Variants in ACP7 observed in about 807,000 individuals in gnomAD.
ACP7 encodes the protein acid phosphatase 7, tartrate resistant (putative).
Under a neutral mutation model 60.6 loss-of-function variants are expected in ACP7, and 58 were observed. That is an observed-to-expected ratio of 0.96 (90% confidence interval 0.77 to 1.19). The LOEUF (loss-of-function observed/expected upper bound fraction) is 1.19, where lower values mean the gene tolerates loss of function less well. Ranked by LOEUF, ACP7 falls within the 50% of genes most tolerant of loss-of-function variation. ACP7 has a pLI of 0.00. For missense variants in ACP7, 574 were observed against 596.2 expected (o/e 0.96, Z 0.39); for synonymous variants, 237 against 232.6 (o/e 1.02, Z -0.17).
intron 2 of ACP7, among the ~76,000 whole-genome samples, chr19:39,087,535 C>G (rs568958897): frequency 6.6e-6 from 1 of 151,834 alleles, no homozygotes; most frequent in Non-Finnish European, 1.5e-5. Context: ...AAACATGGCT[C>G]ACTGCAACCT....
At chr19:39,110,027 A>G in intron 12 of ACP7, 26 bp from the exon 13 acceptor site, 5 of 1,605,826 alleles carry the variant, frequency 3.1e-6, no homozygotes, top group Non-Finnish European at 4.3e-6. Flanking sequence ...AGCTCTAACT[A>G]CTGTCCCTGT....
intron 4 of ACP7, among the ~76,000 whole-genome samples, 196 bp from the exon 5 acceptor site, chr19:39,100,031 C>T (rs555616050): frequency 3.9e-4 from 58 of 150,040 alleles, no homozygotes; most frequent in African/African-American, 5.4e-4. Context: ...CATCTTGGCC[C>T]GGCACAGTGG....
At chr19:39,106,785 A>G (rs2145041406) in intron 11 of ACP7, among the ~76,000 whole-genome samples, 162 bp from the exon 12 acceptor site, 1 of 152,184 alleles carries the variant, frequency 6.6e-6, no homozygotes, top group East Asian at 1.9e-4. Context: ...TGGCCTCCCA[A>G]AGTGCTGGAA....
In ACP7 at chr19:39,110,244, T is replaced by A; in HGVS notation, c.*126T>A. On this transcript the variant is annotated 3_prime_UTR_variant, in exon 13 of 13. Transcript: ENST00000331256. ...TCCCCTGCCCTCCAGAGGCCCCATGTAGGGTACATGCAGCCCTATGGAGCT... is the reference window on the plus strand; with the variant it reads ...TCCCCTGCCCTCCAGAGGCCCCATGAAGGGTACATGCAGCCCTATGGAGCT... 1 of 862,402 alleles carries A rather than the reference T, an allele frequency of 1.2e-6. No individual in the cohort carries two copies. The allele number at this position is 862,402 out of a possible 1,614,324, so 53.4% of individuals were successfully genotyped here.
chr19:39,103,861 C>A (rs986481219), intron 11 of ACP7, among the ~76,000 whole-genome samples: 10 of 152,000 alleles, frequency 6.6e-5, no homozygotes, highest in Non-Finnish European at 1.2e-4. Flanking sequence ...GACAGTCTCA[C>A]TATGTTGCCC....
chr19:39,107,379 G>A (rs941670941), intron 12 of ACP7, among the ~76,000 whole-genome samples: 7 of 151,640 alleles, frequency 4.6e-5, no homozygotes, highest in Admixed American at 2.6e-4. Context: ...TCAGGAGATC[G>A]AGACCATCCT....
chr19:39,103,116 A>G (rs1284960171), intron 11 of ACP7, among the ~76,000 whole-genome samples: 1 of 152,130 alleles, frequency 6.6e-6, no homozygotes, highest in African/African-American at 2.4e-5. Context: ...GGGATTACAG[A>G]CAAGAGCCAC....
At position 39,098,584 on chromosome 19, in the gene ACP7, AC is replaced by A. The variant is rs768471638; in HGVS notation, c.249del (p.Asp83GlufsTer118). The stretch of plus-strand genomic sequence containing the variant: ...CAGGGCACCTTCGTCCCCTTTGTGG[AC>A]GGGGGCATTCTCCGGCGGAAGCTCT... ...RAQGTFVPFV[D>X]GGILRRKLYI... On this transcript the variant is annotated frameshift_variant, in exon 3 of 13. Transcript: ENST00000331256. LOFTEE classifies it high-confidence loss of function. 3 of 1,613,444 alleles carry A rather than the reference AC, an allele frequency of 1.9e-6. No individual in the cohort carries two copies. Among genetic ancestry groups the A allele is most frequent in the South Asian group, 2.2e-5 (2 of 90,882 alleles).
chr19:39,091,479 G>A (rs2073203785), intron 2 of ACP7, among the ~76,000 whole-genome samples: 1 of 152,034 alleles, frequency 6.6e-6, no homozygotes, highest in African/African-American at 2.4e-5. Flanking sequence ...CCTTTTTATT[G>A]GAGTATTTAG....
intron 2 of ACP7, among the ~76,000 whole-genome samples, chr19:39,093,143 C>CTTT (rs373399597): frequency 0.48 from 48,350 of 100,150 alleles, 16,400 homozygotes; most frequent in African/African-American, 0.63. Context: ...TTCCCTCACT[C>CTTT]CTTTCTTTCT....
intron 2 of ACP7, among the ~76,000 whole-genome samples, chr19:39,088,033 T>C (rs1310525938): frequency 6.6e-6 from 1 of 151,830 alleles, no homozygotes; most frequent in Non-Finnish European, 1.5e-5. Context: ...AGTTTCTTCT[T>C]TTTTTTTAGA....
At chr19:39,100,680 G>A (rs2073329450) in intron 6 of ACP7, 38 bp downstream of exon 6, 1 of 1,612,552 alleles carries the variant, frequency 6.2e-7, no homozygotes, top group Non-Finnish European at 8.5e-7. Context: ...CCTCTCCCCT[G>A]AAGGATGGGA....
At chr19:39,104,043 C>A (rs1163093491) in intron 11 of ACP7, among the ~76,000 whole-genome samples, 1 of 151,372 alleles carries the variant, frequency 6.6e-6, no homozygotes, top group Non-Finnish European at 1.5e-5. Flanking sequence ...AGTTCGAGAC[C>A]AGCCTGGGCA....
intron 2 of ACP7, among the ~76,000 whole-genome samples, chr19:39,089,043 C>T (rs544857360): frequency 1.3e-5 from 2 of 152,180 alleles, no homozygotes; most frequent in Admixed American, 1.3e-4. Flanking sequence ...GATTCTCCTG[C>T]CTCAGTCTCT....
At chr19:39,091,157 T>C (rs1365880521) in intron 2 of ACP7, among the ~76,000 whole-genome samples, 1 of 151,180 alleles carries the variant, frequency 6.6e-6, no homozygotes, top group Non-Finnish European at 1.5e-5. Context: ...TCCAGTTTCT[T>C]TTCTTTCTTT....
chr19:39,098,978 C>A lies in ACP7; in HGVS notation c.341C>A (p.Ala114Glu). The change falls in exon 4 of 13, where the codon GCG becomes GAG. Residue 114 changes from alanine to glutamate, a missense_variant. Coordinates refer to ENST00000331256, the MANE Select transcript of ACP7 (RefSeq NM_001004318.3). ...GVQYVYRCGS[A>E]QGWSRRFRFR... ...CATTCAGTTTATCGCTGTGGCAGTG[C>A]GCAGGGCTGGAGCCGTCGGTTCCGC... The A allele has an allele frequency of 6.2e-7, 1 of 1,613,160 alleles. No homozygotes were observed. Among genetic ancestry groups the A allele is most frequent in the Non-Finnish European group, 8.5e-7 (1 of 1,179,914 alleles).
chr19:39,097,568 GAAA>G (rs138172749), intron 2 of ACP7, among the ~76,000 whole-genome samples: 188 of 132,278 alleles, frequency 1.4e-3, no homozygotes, highest in Admixed American at 2.4e-3. Flanking sequence ...CTATCTCTAA[GAAA>G]AAAAAAAAAA....
Position 39,101,482 on chromosome 19 carries a change from G to A in ACP7, c.1058G>A (p.Arg353Gln), listed in dbSNP as rs1006409955. The change falls in exon 11 of 13, where the codon CGA becomes CAA. Residue 353 changes from arginine (R) to glutamine (Q), a missense_variant. By Grantham distance (43) the Arg-to-Gln change is conservative (BLOSUM62 1). Coordinates refer to ENST00000331256, the MANE Select transcript of ACP7 (RefSeq NM_001004318.3). Reference protein sequence around the residue: ...IYNYQVFNGSREMPYTNPRGP... With the variant: ...IYNYQVFNGSQEMPYTNPRGP... ...CTTCCCCAGGTATTTAACGGCAGCC[G>A]AGAGATGCCCTACACCAACCCGCGA... 15 of 1,614,012 alleles carry A rather than the reference G, an allele frequency of 9.3e-6. No individual in the cohort carries two copies. Among genetic ancestry groups the A allele is most frequent in the Middle Eastern group, 1.6e-4 (1 of 6,084 alleles).
rs199915190 is a variant in ACP7 at position 39,102,715 on chromosome 19, T to TTTTCTTTCTTTCTTTCTTTCTTTC, written c.1113+1208_1113+1231dup. ...ATTACTAAGCTGTTCCAATGAAGACTTTTCTTTCTTTCTTTCTTTCTTTCT... is the reference window on the plus strand; with the variant it reads ...ATTACTAAGCTGTTCCAATGAAGACTTTTCTTTCTTTCTTTCTTTCTTTCTTTCTTTCTTTCTTTCTTTCTTTCT... On this transcript the variant is annotated intron_variant, in intron 11 of 12. Coordinates refer to ENST00000331256, the MANE Select transcript of ACP7 (RefSeq NM_001004318.3). Among the ~76,000 whole-genome samples, 332 of 118,604 alleles carry TTTTCTTTCTTTCTTTCTTTCTTTC rather than the reference T, an allele frequency of 2.8e-3. 8 individuals are homozygous for TTTTCTTTCTTTCTTTCTTTCTTTC. The highest frequency in any genetic ancestry group is 3.3e-3 in the East Asian group (13 of 3,970). 77.8% of individuals were successfully genotyped at this position (118,604 alleles called of 152,430 possible). A position where few individuals can be genotyped will look rare whatever the true frequency, so the allele number is the denominator to read the frequency against.
Sources: allele counts gnomAD v4.1 joint callset (sites outside exome capture counted in the v4.1 genomes callset), GRCh38; gene constraint gnomAD v4.1.1; transcripts MANE v1.5; gene names NCBI Gene and HGNC (gene_info 2026-07-23, HGNC 2026-07-21).